Variants in COL21A1 observed in about 807,000 individuals in gnomAD.
The protein encoded by COL21A1 is collagen alpha-1(XXI) chain.
COL21A1 carries 149 observed loss-of-function variants against 137.9 expected under a neutral mutation model. That is an observed-to-expected ratio of 1.08 (90% confidence interval 0.95 to 1.24). The LOEUF (loss-of-function observed/expected upper bound fraction) is 1.24, where lower values mean the gene tolerates loss of function less well. Ranked by LOEUF, COL21A1 falls within the 50% of genes most tolerant of loss-of-function variation. COL21A1 has a pLI of 0.00. For synonymous variants in COL21A1, 456 were observed against 391.5 expected, an observed-to-expected ratio of 1.16 and a Z score of -1.95; for missense variants, 1,167 against 1,158.4, an observed-to-expected ratio of 1.01 and a Z score of -0.11.
At chr6:56,241,204 G>A (rs747237142) in intron 1 of COL21A1, among the ~76,000 whole-genome samples, 1 of 152,140 alleles carries the variant, frequency 6.6e-6, no homozygotes, top group Non-Finnish European at 1.5e-5. Context: ...AACAAGACTG[G>A]TGCCCTCAGG....
intron 1 of COL21A1, among the ~76,000 whole-genome samples, chr6:56,195,291 TTGTG>T (rs1178271983): frequency 1.3e-5 from 2 of 152,152 alleles, no homozygotes. Flanking sequence ...AGACCATACT[TTGTG>T]TATTTAGGTG....
At chr6:56,324,837 C>T (rs1764963454) in intron 1 of COL21A1, among the ~76,000 whole-genome samples, 1 of 151,888 alleles carries the variant, frequency 6.6e-6, no homozygotes, top group Admixed American at 6.6e-5. Context: ...TCCTCCTCAC[C>T]ATCTATCTTA....
chr6:56,089,594 T>G (rs1186845845), intron 17 of COL21A1, among the ~76,000 whole-genome samples: 1 of 152,188 alleles, frequency 6.6e-6, no homozygotes, highest in Admixed American at 6.5e-5. Context: ...ATTGTTAAAG[T>G]CAAAGTCTGT....
intron 1 of COL21A1, among the ~76,000 whole-genome samples, chr6:56,293,052 C>G (rs1047602002): frequency 6.6e-6 from 1 of 152,098 alleles, no homozygotes; most frequent in Non-Finnish European, 1.5e-5. Flanking sequence ...TGATATTTTT[C>G]AAATCTAGGA....
At chr6:56,296,612 A>C (rs1336000842) in intron 1 of COL21A1, among the ~76,000 whole-genome samples, 2 of 152,032 alleles carry the variant, frequency 1.3e-5, no homozygotes, top group African/African-American at 2.4e-5. Context: ...TATACACTGT[A>C]TGTTATCCCA....
chr6:56,088,527 C>A (rs574103128), intron 17 of COL21A1, among the ~76,000 whole-genome samples: 1 of 152,292 alleles, frequency 6.6e-6, no homozygotes, highest in South Asian at 2.1e-4. Context: ...GCTGCAGCAA[C>A]AGTTTCACAA....
chr6:56,098,951 A>G (rs1302377453), intron 17 of COL21A1, among the ~76,000 whole-genome samples: 37 of 149,352 alleles, frequency 2.5e-4, no homozygotes, highest in African/African-American at 8.9e-4. Context: ...TCCTGCCCTC[A>G]TGATCCGCCC....
chr6:56,244,193 A>G (rs183180693), intron 1 of COL21A1, among the ~76,000 whole-genome samples: 4 of 152,312 alleles, frequency 2.6e-5, no homozygotes, highest in Admixed American at 2.6e-4. Flanking sequence ...CTTTATGATT[A>G]TATCTGCTCT....
chr6:56,061,247 C>T (rs1023625957), intron 25 of COL21A1: 1 of 549,064 alleles, frequency 1.8e-6, no homozygotes, highest in South Asian at 2.7e-5. Context: ...ACCAGCCAGA[C>T]CTACAAGTAT....
chr6:56,150,975 G>A lies in COL21A1; in HGVS notation c.1434+5912C>T, dbSNP rs576132869. Reference sequence around the variant, plus strand: ...GCGGTGGCTCACGCCTGTAATCCCAGCTCTTTGGGAGGCCGAGGCGGGTGG... The same window carrying A: ...GCGGTGGCTCACGCCTGTAATCCCAACTCTTTGGGAGGCCGAGGCGGGTGG... On this transcript the variant is annotated intron_variant, in intron 10 of 29. Coordinates refer to ENST00000244728, the MANE Select transcript of COL21A1 (RefSeq NM_030820.4). 1.3e-4 allele frequency among the ~76,000 whole-genome samples: 20 copies of A among 152,236 alleles called. No individual in the cohort carries two copies. In the South Asian group the frequency reaches 3.9e-3, roughly 30 times the overall value.
Position 56,060,077 on chromosome 6 carries a change from C to G in COL21A1, c.2549G>C (p.Arg850Thr). The change falls in exon 28 of 30, where the codon AGA becomes ACA. Residue 850 changes from arginine to threonine, a missense_variant. Coordinates refer to ENST00000244728, the MANE Select transcript of COL21A1 (RefSeq NM_030820.4). ...GPRGLPGLPGRDGVPGLVGVP... is the reference protein window; with the variant it reads ...GPRGLPGLPGTDGVPGLVGVP... ...ACCCACTAATCCAGGAACACCATCTCTTCCTGGCAAACCAGGTAATCCTCT... is the reference window on the plus strand; with the variant it reads ...ACCCACTAATCCAGGAACACCATCTGTTCCTGGCAAACCAGGTAATCCTCT... 1.2e-6 allele frequency: 2 copies of G among 1,611,062 alleles called. No homozygotes were observed. The highest frequency in any genetic ancestry group is 1.7e-5 in the Admixed American group (1 of 59,074).
At chr6:56,287,069 G>A (rs1763930590) in intron 1 of COL21A1, among the ~76,000 whole-genome samples, 1 of 152,140 alleles carries the variant, frequency 6.6e-6, no homozygotes, top group Non-Finnish European at 1.5e-5. Context: ...TCAGATCTAT[G>A]AGTAGATTTC....
intron 11 of COL21A1, 37 bp downstream of exon 11, chr6:56,141,893 A>G: frequency 6.3e-7 from 1 of 1,580,718 alleles, no homozygotes. Flanking sequence ...TTCACTAAAA[A>G]TAAAATTTAT....
intron 12 of COL21A1, among the ~76,000 whole-genome samples, chr6:56,129,675 C>CGTGTGTGTGTGTGTGTGTGT (rs78820557): frequency 2.2e-4 from 30 of 136,506 alleles, no homozygotes; most frequent in East Asian, 1.6e-3. Flanking sequence ...CACGTGCGTG[C>CGTGTGTGTGTGTGTGTGTGT]GTGTGTGTGT....
At chr6:56,232,481 T>C (rs1781628623) in intron 1 of COL21A1, among the ~76,000 whole-genome samples, 1 of 151,874 alleles carries the variant, frequency 6.6e-6, no homozygotes, top group Non-Finnish European at 1.5e-5. Context: ...GTTATCAAGT[T>C]TGCTTCCTAC....
At chr6:56,388,450 T>C (rs746392754) in intron 1 of COL21A1, among the ~76,000 whole-genome samples, 2 of 152,166 alleles carry the variant, frequency 1.3e-5, no homozygotes, top group African/African-American at 2.4e-5. Flanking sequence ...AGCAAGAGAC[T>C]TTTCAGGATA....
At chr6:56,159,334 A>AT (rs11412656) in intron 9 of COL21A1, among the ~76,000 whole-genome samples, 81,863 of 137,026 alleles carry the variant, frequency 0.6, 24,772 homozygotes, top group East Asian at 0.76. Flanking sequence ...TCTGAATTAC[A>AT]TTTTTTTTTT....
At chr6:56,159,928 A>G (rs936790629) in intron 9 of COL21A1, among the ~76,000 whole-genome samples, 14 of 152,186 alleles carry the variant, frequency 9.2e-5, no homozygotes, top group Non-Finnish European at 1.8e-4. Context: ...AAGTTCCCAA[A>G]TGAAAAAATT....
intron 1 of COL21A1, among the ~76,000 whole-genome samples, chr6:56,223,241 T>C (rs753079958): frequency 1.7e-4 from 26 of 152,096 alleles, no homozygotes; most frequent in Non-Finnish European, 2.8e-4. Flanking sequence ...TGTTATTTTT[T>C]TAATATTATT....
Sources: allele counts gnomAD v4.1 joint callset (sites outside exome capture counted in the v4.1 genomes callset), GRCh38; gene constraint gnomAD v4.1.1; transcripts MANE v1.5; gene names NCBI Gene and HGNC (gene_info 2026-07-23, HGNC 2026-07-21).